Variants in NIN observed in about 807,000 individuals in gnomAD.
NIN encodes ninein.
Under a neutral mutation model 257.6 loss-of-function variants are expected in NIN, and 137 were observed. The observed-to-expected ratio is 0.53, with a 90% confidence interval of 0.46 to 0.61. NIN has a LOEUF of 0.61. Among genes scored for constraint, NIN ranks in the 20% least tolerant of loss-of-function variants. The pLI is 0.00. For synonymous variants in NIN, 918 were observed against 919.8 expected (o/e 1.00, Z 0.04); for missense variants, 2,439 against 2,501.2 (o/e 0.98, Z 0.53).
chr14:50,729,251 T>G (rs2040567272), intron 29 of NIN, among the ~76,000 whole-genome samples: 1 of 142,046 alleles, frequency 7.0e-6, no homozygotes, highest in Admixed American at 6.9e-5. Context: ...AGGATTGTGA[T>G]TTTGTTTTTT....
intron 4 of NIN, among the ~76,000 whole-genome samples, chr14:50,804,698 G>C (rs1429367240): frequency 3.3e-5 from 5 of 152,022 alleles, no homozygotes; most frequent in Non-Finnish European, 2.9e-5. Context: ...GTCTAGCTCA[G>C]GGATGTCCAA....
chr14:50,784,012 A>G (rs1354888908), intron 5 of NIN, among the ~76,000 whole-genome samples: 1 of 152,232 alleles, frequency 6.6e-6, no homozygotes, highest in Non-Finnish European at 1.5e-5. Flanking sequence ...TCATGAGATA[A>G]GATTTATTTC....
At chr14:50,762,064 A>G (rs554655898) in intron 15 of NIN, among the ~76,000 whole-genome samples, 153 bp from the exon 16 acceptor site, 1 of 152,348 alleles carries the variant, frequency 6.6e-6, no homozygotes, top group Non-Finnish European at 1.5e-5. Context: ...GGCCAAGAGA[A>G]GTCTTTTCTC....
At chr14:50,749,490 A>G (rs2041695193) in intron 21 of NIN, among the ~76,000 whole-genome samples, 1 of 152,188 alleles carries the variant, frequency 6.6e-6, no homozygotes, top group African/African-American at 2.4e-5. Context: ...CTTTGAGACT[A>G]TACAAATTCT....
At chr14:50,821,671 T>A (rs1360557319) in intron 3 of NIN, among the ~76,000 whole-genome samples, 1 of 152,180 alleles carries the variant, frequency 6.6e-6, no homozygotes, top group Non-Finnish European at 1.5e-5. Flanking sequence ...CTGTACACCA[T>A]AATTCCAGAG....
At chr14:50,744,060 T>C (rs1401198711) in intron 23 of NIN, among the ~76,000 whole-genome samples, 183 bp downstream of exon 23, 5 of 152,148 alleles carry the variant, frequency 3.3e-5, no homozygotes, top group Admixed American at 2.0e-4. Context: ...AAACAACTAA[T>C]TTAGACTTCA....
intron 3 of NIN, among the ~76,000 whole-genome samples, chr14:50,812,443 C>G (rs1478208068): frequency 3.3e-5 from 5 of 152,162 alleles, no homozygotes; most frequent in African/African-American, 1.2e-4. Context: ...AGGTGTAAAG[C>G]ACACACCAAG....
rs1284601427 is a variant in NIN at position 50,806,563 on chromosome 14, T to C, written c.265+174A>G. 5 of 503,304 alleles carry C rather than the reference T, an allele frequency of 9.9e-6. No individual in the cohort carries two copies. In the East Asian group the frequency reaches 1.6e-4, roughly 17 times the overall value. The allele number at this position is 503,304 out of a possible 1,614,324, so 31.2% of individuals were successfully genotyped here. ...GTAGTAGAGAAGTCTCATTTTAGTG[T>C]TCAACAGCTGCAAAGCTTTTATGAT... On this transcript the variant is annotated intron_variant, in intron 4 of 30. Transcript: ENST00000530997.
intron 6 of NIN, among the ~76,000 whole-genome samples, chr14:50,778,012 T>C (rs1454235048): frequency 2.0e-5 from 3 of 152,152 alleles, no homozygotes; most frequent in Non-Finnish European, 2.9e-5. Flanking sequence ...AGGTTGTAAT[T>C]ACACTTAAGT....
rs754451870 is a variant in NIN, at chr14:50,771,465, A to T, written c.985T>A (p.Leu329Met). 1.2e-6 allele frequency: 2 copies of T among 1,613,954 alleles called. No homozygotes were observed. Among genetic ancestry groups the T allele is most frequent in the East Asian group, 2.2e-5 (1 of 44,876 alleles). Reference sequence around the variant, plus strand: ...ATGTTTCCATCGAGGCTGAAATCCAAGGCCTAGAAATCAGAGCAAGGCGTA... The same window carrying T: ...ATGTTTCCATCGAGGCTGAAATCCATGGCCTAGAAATCAGAGCAAGGCGTA... ...IENSQEILKALDFSLDGNINL... is the reference protein window; with the variant it reads ...IENSQEILKAMDFSLDGNINL... Residue 329 changes from leucine to methionine, a missense_variant, in exon 10 of 31, where the codon TTG becomes ATG. Leu to Met is a conservative substitution (Grantham distance 15, BLOSUM62 2). Transcript: ENST00000530997.
At chr14:50,811,135 G>C (rs1264556139) in intron 3 of NIN, among the ~76,000 whole-genome samples, 1 of 150,520 alleles carries the variant, frequency 6.6e-6, no homozygotes, top group Admixed American at 6.6e-5. Context: ...TCAGATGGAG[G>C]CTTGCTCTTG....
chr14:50,805,222 A>G (rs2044270426), intron 4 of NIN, among the ~76,000 whole-genome samples: 1 of 141,028 alleles, frequency 7.1e-6, no homozygotes, highest in Non-Finnish European at 1.7e-5. Flanking sequence ...CCATAGCTCT[A>G]TTCAGGCCCC....
At chr14:50,750,096 C>A (rs994929055) in intron 21 of NIN, among the ~76,000 whole-genome samples, 58 of 152,114 alleles carry the variant, frequency 3.8e-4, no homozygotes, top group African/African-American at 1.3e-3. Flanking sequence ...CATCAGGACA[C>A]AGGCCCTTTT....
Position 50,723,582 on chromosome 14 carries a change from G to A in NIN, c.6283C>T (p.Arg2095Ter), listed in dbSNP as rs199921976. ...TTTTTCTTCTCTGCTGTTTTCTGTC[G>A]CTGTTCAGTCACTTCCAGAGCTTTC... is the stretch of plus-strand genomic sequence containing the variant. Reference protein sequence around the residue: ...LLKALEVTEQRQKTAEKKNYL... With the variant: ...LLKALEVTEQ The change falls in exon 31 of 31, where the codon CGA (arginine) becomes TGA (stop). Residue 2095 changes from arginine to a stop codon, truncating the protein, a stop_gained. Transcript: ENST00000530997. LOFTEE classifies it high-confidence loss of function. 26 of 1,613,690 alleles carry A rather than the reference G, an allele frequency of 1.6e-5. No homozygotes were observed. Among genetic ancestry groups the A allele is most frequent in the Admixed American group, 3.3e-5 (2 of 59,966 alleles).
chr14:50,736,948 A>G (rs1270513608), intron 27 of NIN, among the ~76,000 whole-genome samples: 2 of 152,210 alleles, frequency 1.3e-5, no homozygotes, highest in Non-Finnish European at 2.9e-5. Context: ...CTCTAACTTC[A>G]TGGGACAAAT....
At chr14:50,793,398 G>A (rs767360316) in intron 4 of NIN, among the ~76,000 whole-genome samples, 8 of 151,762 alleles carry the variant, frequency 5.3e-5, no homozygotes, top group Admixed American at 1.3e-4. Flanking sequence ...CAGACAAGCA[G>A]ATGACAAAAC....
Position 50,794,723 on chromosome 14 carries a change from G to A in NIN, c.266-1842C>T, listed in dbSNP as rs900650017. On this transcript the variant is annotated intron_variant, in intron 4 of 30. Coordinates refer to ENST00000530997, the MANE Select transcript of NIN (RefSeq NM_020921.4). ...GTTGTGTCCTGGGGATGGAAGTGGC[G>A]AAGGAGCTCTTATTGCATGCTGCAC... Among the ~76,000 whole-genome samples, 12 of 149,580 alleles carry A rather than the reference G, an allele frequency of 8.0e-5. 1 individual carries two copies. Among genetic ancestry groups the A allele is most frequent in the South Asian group, 6.3e-4 (3 of 4,758 alleles).
chr14:50,758,721 G>A, intron 17 of NIN, 91 bp from the exon 18 acceptor site: 2 of 1,220,300 alleles, frequency 1.6e-6, no homozygotes, highest in Non-Finnish European at 2.2e-6. Context: ...GAAAGCTGCT[G>A]AGCAAACAAC....
Position 50,741,558 on chromosome 14 carries a change from CTAAA to C in NIN, c.5448+20_5448+23del. The C allele has an allele frequency of 1.9e-6, 3 of 1,607,702 alleles. 1 individual carries two copies. The South Asian group carries it at 3.3e-5, about 18-fold the overall frequency. On this transcript the variant is annotated intron_variant, in intron 25 of 30. Coordinates refer to ENST00000530997, the MANE Select transcript of NIN (RefSeq NM_020921.4). ...ATACTTTACTGTAAATAACTTATAC[CTAAA>C]TAAAAAAAGAACAAATCACCTTGCC...
Sources: gnomAD v4.1 joint callset for allele counts (sites outside exome capture counted in the v4.1 genomes callset) on GRCh38, gnomAD v4.1.1 for gene constraint, MANE v1.5 for transcripts, NCBI Gene and HGNC (gene_info 2026-07-23, HGNC 2026-07-21) for gene names.